Variants in NGF observed in about 807,000 individuals in gnomAD.
NGF encodes nerve growth factor.
Under a neutral mutation model 12.8 loss-of-function variants are expected in NGF, and 4 were observed. That is an observed-to-expected ratio of 0.31 (90% CI 0.15 to 0.72). The LOEUF (loss-of-function observed/expected upper bound fraction) is 0.72. Ranked by LOEUF, NGF falls within the 30% of genes least tolerant of loss-of-function variation. The pLI, the probability that NGF is intolerant of heterozygous loss-of-function variation, is 0.69. For missense variants in NGF, 283 were observed against 330.8 expected (o/e 0.86, Z 1.12); for synonymous variants, 140 against 130.0 (o/e 1.08, Z -0.52).
At chr1:115,297,876 C>A (rs1653918445) in intron 1 of NGF, among the ~76,000 whole-genome samples, 1 of 152,178 alleles carries the variant, frequency 6.6e-6, no homozygotes, top group South Asian at 2.1e-4. Context: ...TTTCATTGAC[C>A]TGGAGTGCTG....
chr1:115,302,420 G>A (rs1457977784), intron 1 of NGF, among the ~76,000 whole-genome samples: 2 of 152,094 alleles, frequency 1.3e-5, no homozygotes, highest in Non-Finnish European at 2.9e-5. Flanking sequence ...CTTGGAGAAG[G>A]CTATGCTCCA....
In NGF at chr1:115,308,170, T is replaced by C. The variant is rs540577159; in HGVS notation, c.-136-14420A>G. On this transcript the variant is annotated intron_variant, in intron 1 of 2. Transcript: ENST00000369512. ...CTTTACCAGGTACCATCCATAAATC[T>C]GGGATGCAGGCTGCTGGAGCTGGGG... is the stretch of plus-strand genomic sequence containing the variant. Among the ~76,000 whole-genome samples, 5 of 152,354 alleles carry C rather than the reference T, an allele frequency of 3.3e-5. No homozygotes were observed. The South Asian group carries it at 1.0e-3, about 32-fold the overall frequency.
intron 1 of NGF, among the ~76,000 whole-genome samples, chr1:115,328,209 A>G (rs1392448314): frequency 2.6e-5 from 4 of 152,170 alleles, no homozygotes; most frequent in African/African-American, 9.7e-5. Context: ...GGGTGAATAC[A>G]GAATGGGGGC....
chr1:115,316,545 C>T (rs1654480233), intron 1 of NGF, among the ~76,000 whole-genome samples: 1 of 152,106 alleles, frequency 6.6e-6, no homozygotes, highest in Admixed American at 6.5e-5. Context: ...GATGATCTCA[C>T]TTAATGCTCA....
chr1:115,323,630 T>A (rs1206851715), intron 1 of NGF, among the ~76,000 whole-genome samples: 1 of 152,232 alleles, frequency 6.6e-6, no homozygotes. Context: ...ATTTGACACA[T>A]CTGAATTTCA....
chr1:115,329,530 C>T (rs889266914), intron 1 of NGF, among the ~76,000 whole-genome samples: 2 of 152,124 alleles, frequency 1.3e-5, no homozygotes, highest in East Asian at 3.9e-4. Context: ...AAAAAAAATG[C>T]ATTTTCCATC....
intron 1 of NGF, among the ~76,000 whole-genome samples, chr1:115,324,954 T>C (rs1654734456): frequency 6.6e-6 from 1 of 152,240 alleles, no homozygotes; most frequent in Non-Finnish European, 1.5e-5. Flanking sequence ...CTCATTCATA[T>C]GTTCTTGTGG....
chr1:115,286,305 T>A lies in NGF; in HGVS notation c.491A>T (p.Asn164Ile), dbSNP rs1653498654. 1.2e-6 allele frequency: 2 copies of A among 1,614,228 alleles called. No individual in the cohort carries two copies. The highest frequency in any genetic ancestry group is 1.7e-6 in the Non-Finnish European group (2 of 1,180,034). Residue 164 changes from asparagine to isoleucine, a missense_variant, in exon 3 of 3, where the codon AAC becomes ATC. Around this residue, in one of 2 missense-constraint regions of NGF, gnomAD observed 132 missense variants for 189.2 expected, o/e 0.70. Transcript: ENST00000369512. ...CTGTTTGAATACACTGTTGTTAATGTTCACCTCTCCCAACACCATCACCTC... is the reference window on the plus strand; with the variant it reads ...CTGTTTGAATACACTGTTGTTAATGATCACCTCTCCCAACACCATCACCTC... ...GKEVMVLGEV[N>I]INNSVFKQYF...
intron 1 of NGF, among the ~76,000 whole-genome samples, chr1:115,312,158 T>C (rs539463237): frequency 6.6e-6 from 1 of 152,322 alleles, no homozygotes; most frequent in East Asian, 1.9e-4. Flanking sequence ...TTTGTGACTT[T>C]TGTGGCATTA....
At chr1:115,328,237 G>A (rs988974478) in intron 1 of NGF, among the ~76,000 whole-genome samples, 2 of 152,172 alleles carry the variant, frequency 1.3e-5, no homozygotes, top group Admixed American at 1.3e-4. Context: ...GCTTCCATGA[G>A]AACTAAGAGG....
intron 1 of NGF, among the ~76,000 whole-genome samples, chr1:115,337,687 G>T (rs556437988): frequency 1.3e-5 from 2 of 151,946 alleles, no homozygotes; most frequent in East Asian, 3.9e-4. Flanking sequence ...GGTCTAGCGC[G>T]CCCCGTTCCG....
chr1:115,331,213 G>A (rs187295429), intron 1 of NGF, among the ~76,000 whole-genome samples: 1 of 152,186 alleles, frequency 6.6e-6, no homozygotes, highest in East Asian at 1.9e-4. Flanking sequence ...AAAATCAGTT[G>A]GCATCATGAT....
rs970353047 is a variant in NGF at position 115,286,017 on chromosome 1, G to A, written c.*53C>T. On this transcript the variant is annotated 3_prime_UTR_variant, in exon 3 of 3. Coordinates refer to ENST00000369512, the MANE Select transcript of NGF (RefSeq NM_002506.3). ...TAAAATAATTTACAGGTTGAGGTAG[G>A]GAGGGGCCCAGGAGAGTGTAGAAGG... 3.8e-6 allele frequency: 6 copies of A among 1,590,308 alleles called. No homozygotes were observed. Among genetic ancestry groups the A allele is most frequent in the Non-Finnish European group, 5.1e-6 (6 of 1,166,426 alleles).
At chr1:115,338,039 C>A (rs1050820872) in intron 1 of NGF, among the ~76,000 whole-genome samples, 165 bp downstream of exon 1, 2 of 152,208 alleles carry the variant, frequency 1.3e-5, no homozygotes, top group African/African-American at 2.4e-5. Flanking sequence ...CCCACACCCA[C>A]TCGGGACATT....
chr1:115,294,701 G>T (rs1032658249), intron 1 of NGF, among the ~76,000 whole-genome samples: 3 of 152,234 alleles, frequency 2.0e-5, no homozygotes, highest in Non-Finnish European at 2.9e-5. Flanking sequence ...TTCAAGTTGA[G>T]ATCTGGAGGA....
intron 1 of NGF, among the ~76,000 whole-genome samples, chr1:115,298,841 G>A (rs1214410881): frequency 1.3e-5 from 2 of 151,876 alleles, no homozygotes; most frequent in African/African-American, 4.8e-5. Flanking sequence ...GGAGAGCTCT[G>A]TGAGTAGGGA....
chr1:115,294,793 G>A (rs914176457), intron 1 of NGF, among the ~76,000 whole-genome samples: 3 of 152,198 alleles, frequency 2.0e-5, no homozygotes, highest in South Asian at 2.1e-4. Flanking sequence ...CAAAGGTTCT[G>A]AGCATGAAGT....
At chr1:115,325,241 G>A (rs967002802) in intron 1 of NGF, among the ~76,000 whole-genome samples, 1 of 152,162 alleles carries the variant, frequency 6.6e-6, no homozygotes, top group Non-Finnish European at 1.5e-5. Flanking sequence ...AAAAAGGTCA[G>A]TGTGGTCACC....
At chr1:115,315,094 G>A (rs1654442176) in intron 1 of NGF, among the ~76,000 whole-genome samples, 1 of 152,202 alleles carries the variant, frequency 6.6e-6, no homozygotes, top group Non-Finnish European at 1.5e-5. Context: ...CTGCCCCTGT[G>A]GCTGGGGCAG....
Sources: gnomAD v4.1 joint callset for allele counts (sites outside exome capture counted in the v4.1 genomes callset) on GRCh38, gnomAD v4.1.1 for gene constraint, gnomAD v4.1.1 regional missense constraint, MANE v1.5 for transcripts, NCBI Gene and HGNC (gene_info 2026-07-23, HGNC 2026-07-21) for gene names.